The following CEP83 variants were observed in gnomAD, a reference collection of about 807,000 sequenced individuals.
CEP83 encodes the protein centrosomal protein 83.
Under a neutral mutation model 101.9 loss-of-function variants are expected in CEP83, and 70 were observed. The ratio of observed to expected loss-of-function variants is 0.69; its 90% CI spans 0.57 to 0.84. The LOEUF is 0.84. Ranked by LOEUF, CEP83 falls within the 40% of genes least tolerant of loss-of-function variation. CEP83 has a pLI of 0.00. For synonymous variants in CEP83, 264 were observed against 267.9 expected (o/e 0.99, Z 0.14); for missense variants, 715 against 787.2 (o/e 0.91, Z 1.10).
chr12:94,336,115 T>C (rs1410431950), intron 11 of CEP83, among the ~76,000 whole-genome samples: 1 of 152,200 alleles, frequency 6.6e-6, no homozygotes, highest in Non-Finnish European at 1.5e-5. Context: ...GCTACTTCAT[T>C]TTCCTTCTAA....
At chr12:94,348,915 G>A (rs1395634740) in intron 11 of CEP83, among the ~76,000 whole-genome samples, 3 of 152,132 alleles carry the variant, frequency 2.0e-5, no homozygotes, top group Admixed American at 6.5e-5. Flanking sequence ...AACTGACTAT[G>A]ACTTCTTTAA....
intron 1 of CEP83, among the ~76,000 whole-genome samples, chr12:94,458,805 A>G (rs1594211228): frequency 2.0e-5 from 3 of 152,224 alleles, no homozygotes; most frequent in Admixed American, 2.0e-4. Flanking sequence ...TCAATACAAA[A>G]GGTGAGTATT....
intron 1 of CEP83, among the ~76,000 whole-genome samples, chr12:94,455,306 T>C (rs2067583806): frequency 6.6e-6 from 1 of 152,162 alleles, no homozygotes; most frequent in African/African-American, 2.4e-5. Context: ...AATATGAACA[T>C]CAGAGATAGG....
the CEP83 span, chr12:94,279,865 A>ACGTG: frequency 1.5e-6 from 1 of 689,488 alleles, no homozygotes; most frequent in Non-Finnish European, 2.6e-6. Flanking sequence ...TCCTTCAAAG[A>ACGTG]TGGCGTTTGT....
At chr12:94,309,054 G>A (rs543263370) in intron 16 of CEP83, 137 bp from the exon 17 acceptor site, 47 of 602,648 alleles carry the variant, frequency 7.8e-5, no homozygotes, top group Non-Finnish European at 1.3e-4. Context: ...TCTAAAAACA[G>A]TAGCATGGGC....
chr12:94,424,246 A>C, intron 2 of CEP83: 1 of 1,614,066 alleles, frequency 6.2e-7, no homozygotes, highest in Non-Finnish European at 8.5e-7. Flanking sequence ...CCATGTCTCC[A>C]TTCCTTGGCC....
chr12:94,452,073 T>C (rs2067295550), intron 1 of CEP83, among the ~76,000 whole-genome samples: 2 of 152,090 alleles, frequency 1.3e-5, no homozygotes, highest in Non-Finnish European at 2.9e-5. Context: ...AAGCATGAAG[T>C]TAAAGAAGCC....
the CEP83 span, among the ~76,000 whole-genome samples, chr12:94,271,220 A>G: frequency 2.6e-5 from 4 of 152,206 alleles, no homozygotes. Flanking sequence ...TTTTATGATA[A>G]AGTTGCCAGT....
chr12:94,450,802 T>C (rs548783265), intron 1 of CEP83, among the ~76,000 whole-genome samples: 5 of 152,194 alleles, frequency 3.3e-5, no homozygotes, highest in South Asian at 4.1e-4. Context: ...GATGGATAGA[T>C]TCAATGCAAA....
chr12:94,277,668 T>G, the CEP83 span: 1 of 318,330 alleles, frequency 3.1e-6, no homozygotes, highest in Non-Finnish European at 6.1e-6. Context: ...TCCTCCTTAT[T>G]CAGAGATACT....
the CEP83 span, among the ~76,000 whole-genome samples, chr12:94,284,125 A>C: frequency 6.6e-6 from 1 of 151,572 alleles, no homozygotes; most frequent in Non-Finnish European, 1.5e-5. Context: ...TTTGCAAAAT[A>C]TCTCAAGCAC....
At position 94,368,061 on chromosome 12, in the gene CEP83, C is replaced by T. The variant is rs752281031; in HGVS notation, c.1189G>A (p.Glu397Lys). The T allele has an allele frequency of 6.2e-7, 1 of 1,612,262 alleles. No individual in the cohort carries two copies. The highest frequency in any genetic ancestry group is 1.1e-5 in the South Asian group (1 of 90,506). ...GYQKLVVLQD[E>K]KLELENRLAD... ...CTAAGGTAATTAAGTACTTACTTTT[C>T]ATCTTGTAATACCACAAGTTTTTGA... is the stretch of plus-strand genomic sequence containing the variant. Residue 397 changes from glutamate to lysine, a missense_variant, in exon 10 of 17, where the codon GAA becomes AAA. Glu to Lys is a moderately conservative substitution (Grantham distance 56, BLOSUM62 1). Transcript: ENST00000397809.
At position 94,423,941 on chromosome 12, in the gene CEP83, T is replaced by C. The variant is rs2064985897; in HGVS notation, c.-102+11334A>G. ...GCTGCTGAGGCAGAGATGGCCCAGT[T>C]GCTGGGTAAGGGGTCCCATCATGGA... On this transcript the variant is annotated intron_variant, in intron 2 of 16. Coordinates refer to ENST00000397809, the MANE Select transcript of CEP83 (RefSeq NM_016122.3). 3 of 1,612,188 alleles carry C rather than the reference T, an allele frequency of 1.9e-6. No individual in the cohort carries two copies. The African/African-American group carries it at 4.0e-5, about 22-fold the overall frequency.
the CEP83 span, chr12:94,277,118 G>A: frequency 1.3e-5 from 2 of 152,148 alleles, no homozygotes; most frequent in African/African-American, 4.8e-5. Context: ...CACAGTTCTG[G>A]AGGATGAGAA....
At chr12:94,432,814 C>T (rs1238202051) in intron 2 of CEP83, among the ~76,000 whole-genome samples, 1 of 152,176 alleles carries the variant, frequency 6.6e-6, no homozygotes, top group Non-Finnish European at 1.5e-5. Context: ...TTGATCATTA[C>T]ACATTCTATG....
At chr12:94,393,639 G>T (rs1181034033) in intron 6 of CEP83, among the ~76,000 whole-genome samples, 2 of 152,146 alleles carry the variant, frequency 1.3e-5, no homozygotes, top group Non-Finnish European at 2.9e-5. Context: ...CCAGACAAGA[G>T]AAAGAAATAA....
intron 6 of CEP83, among the ~76,000 whole-genome samples, chr12:94,398,531 C>T (rs980837289): frequency 1.7e-4 from 26 of 152,156 alleles, no homozygotes; most frequent in Admixed American, 2.6e-4. Flanking sequence ...TGAGGATGTA[C>T]ATCACCTCAG....
At chr12:94,424,282 T>C (rs1255539857) in intron 2 of CEP83, 6 of 1,614,060 alleles carry the variant, frequency 3.7e-6, no homozygotes, top group South Asian at 1.1e-5. Context: ...GCACAAATAT[T>C]CCTTGGTTCT....
intron 4 of CEP83, among the ~76,000 whole-genome samples, chr12:94,404,394 G>T (rs906659210): frequency 6.6e-6 from 1 of 152,124 alleles, no homozygotes; most frequent in Non-Finnish European, 1.5e-5. Flanking sequence ...CTCAAGCCAG[G>T]TAACATTTTA....
Sources: allele counts gnomAD v4.1 joint callset (sites outside exome capture counted in the v4.1 genomes callset), GRCh38; gene constraint gnomAD v4.1.1; transcripts MANE v1.5; gene names NCBI Gene and HGNC (gene_info 2026-07-23, HGNC 2026-07-21).